MERTK: variants seen among roughly 807,000 people sequenced by gnomAD.
The protein encoded by MERTK is tyrosine-protein kinase Mer.
In MERTK, 69 loss-of-function variants were observed where a neutral mutation model predicts 99.3. The ratio of observed to expected loss-of-function variants is 0.70; its 90% CI spans 0.57 to 0.85. MERTK has a LOEUF of 0.85. MERTK is among the 40% of genes least tolerant of loss of function. The pLI is 0.00. For missense variants in MERTK, 1,125 were observed against 1,249.4 expected, an observed-to-expected ratio of 0.90 and a Z score of 1.50; for synonymous variants, 426 against 467.6, an observed-to-expected ratio of 0.91 and a Z score of 1.15.
chr2:111,902,246 G>A (rs1328707728), intron 1 of MERTK, among the ~76,000 whole-genome samples: 2 of 152,220 alleles, frequency 1.3e-5, no homozygotes, highest in Non-Finnish European at 2.9e-5. Context: ...AGAAGGGCCA[G>A]TGAGTTACTA....
intron 7 of MERTK, 75 bp from the exon 8 acceptor site, chr2:111,982,767 C>T: frequency 6.4e-7 from 1 of 1,551,338 alleles, no homozygotes; most frequent in Non-Finnish European, 8.9e-7. Flanking sequence ...AAACCAAACA[C>T]TTGAAAACCC....
At chr2:111,932,046 T>C (rs1335573800) in intron 2 of MERTK, among the ~76,000 whole-genome samples, 3 of 152,198 alleles carry the variant, frequency 2.0e-5, no homozygotes, top group African/African-American at 4.8e-5. Context: ...TTGAGAACTT[T>C]AGAAATTTGG....
At chr2:112,014,542 C>CA (rs34015537) in intron 15 of MERTK, among the ~76,000 whole-genome samples, 1 of 151,842 alleles carries the variant, frequency 6.6e-6, no homozygotes, top group Non-Finnish European at 1.5e-5. Flanking sequence ...CATTTTGTAG[C>CA]AAAAAAGATT....
At chr2:111,954,731 T>C (rs530279567) in intron 4 of MERTK, among the ~76,000 whole-genome samples, 3 of 152,142 alleles carry the variant, frequency 2.0e-5, no homozygotes, top group Admixed American at 6.5e-5. Flanking sequence ...ATCTTTAATG[T>C]CCATTCTGTA....
intron 15 of MERTK, among the ~76,000 whole-genome samples, chr2:112,014,504 G>A (rs1017112276): frequency 6.6e-6 from 1 of 151,496 alleles, no homozygotes; most frequent in African/African-American, 2.4e-5. Context: ...TTGGGGGTGT[G>A]GAAATTTCAT....
At chr2:111,979,387 C>T (rs1676321127) in intron 7 of MERTK, among the ~76,000 whole-genome samples, 1 of 152,116 alleles carries the variant, frequency 6.6e-6, no homozygotes, top group African/African-American at 2.4e-5. Flanking sequence ...TCTATGTGAA[C>T]TGTTTTTCAG....
intron 14 of MERTK, chr2:112,008,963 G>A (rs1573637663): frequency 4.5e-6 from 1 of 224,404 alleles, no homozygotes; most frequent in Non-Finnish European, 8.9e-6. Context: ...CAGTTCCATA[G>A]AACATGATTT....
intron 9 of MERTK, 200 bp from the exon 10 acceptor site, chr2:111,997,123 G>A: frequency 1.3e-6 from 1 of 750,022 alleles, no homozygotes; most frequent in Non-Finnish European, 2.4e-6. Flanking sequence ...TATGGAATGA[G>A]TAAATCAAGC....
chr2:111,926,694 T>A (rs1169846212), intron 1 of MERTK, among the ~76,000 whole-genome samples: 1 of 152,128 alleles, frequency 6.6e-6, no homozygotes, highest in Non-Finnish European at 1.5e-5. Context: ...GCCACTGCAC[T>A]CCACTCCAGC....
chr2:111,926,583 C>T (rs141107055), intron 1 of MERTK, among the ~76,000 whole-genome samples: 2 of 148,552 alleles, frequency 1.3e-5, no homozygotes, highest in South Asian at 2.1e-4. Flanking sequence ...ACAGATTAGC[C>T]GGGCATGGTG....
At chr2:112,011,022 C>A (rs1333415588) in intron 15 of MERTK, among the ~76,000 whole-genome samples, 1 of 152,126 alleles carries the variant, frequency 6.6e-6, no homozygotes, top group African/African-American at 2.4e-5. Flanking sequence ...CTGTAAGAAA[C>A]CACAGGTCCT....
intron 8 of MERTK, among the ~76,000 whole-genome samples, chr2:111,989,645 A>C (rs2104394510): frequency 6.6e-6 from 1 of 152,044 alleles, no homozygotes; most frequent in East Asian, 1.9e-4. Flanking sequence ...GTAAGCCACC[A>C]CTCCTGGACG....
chr2:111,934,835 G>A (rs1558777569), intron 2 of MERTK, among the ~76,000 whole-genome samples: 1 of 152,282 alleles, frequency 6.6e-6, no homozygotes, highest in Middle Eastern at 3.4e-3. Flanking sequence ...TTCTTCTAGA[G>A]TTTATATGAT....
chr2:112,003,203 T>G lies in MERTK; in HGVS notation c.1786+16T>G. On this transcript the variant is annotated intron_variant, in intron 12 of 18. Coordinates refer to ENST00000295408, the MANE Select transcript of MERTK (RefSeq NM_006343.3). ...CTGGGTGAAGGTAAGCAATTTAAAG[T>G]AATTCTTTTAAAATGTGGGATAAGA... 1 of 1,199,766 alleles carries G rather than the reference T, an allele frequency of 8.3e-7. No individual in the cohort carries two copies. Among genetic ancestry groups the G allele is most frequent in the Non-Finnish European group, 1.2e-6 (1 of 802,928 alleles). The allele number at this position is 1,199,766 out of a possible 1,614,324, so 74.3% of individuals were successfully genotyped here. A position where few individuals can be genotyped will look rare whatever the true frequency, so the allele number is the denominator to read the frequency against.
At position 111,968,987 on chromosome 2, in the gene MERTK, A is replaced by G. The variant is rs186475123; in HGVS notation, c.960+735A>G. ...GGTCGTCTGTGCTACTGAGCGTAGC[A>G]CCTTACCCAGTGTCACCGGGGGATC... On this transcript the variant is annotated intron_variant, in intron 6 of 18. Coordinates refer to ENST00000295408, the MANE Select transcript of MERTK (RefSeq NM_006343.3). 1.4e-3 allele frequency among the ~76,000 whole-genome samples: 212 copies of G among 152,264 alleles called. 1 individual carries two copies. The highest frequency in any genetic ancestry group is 4.5e-3 in the African/African-American group (189 of 41,542).
Position 112,022,354 on chromosome 2 carries a change from G to A in MERTK, c.2446G>A (p.Gly816Ser). 6.2e-7 allele frequency: 1 copy of A among 1,614,226 alleles called. No individual in the cohort carries two copies. Among genetic ancestry groups the A allele is most frequent in the Non-Finnish European group, 8.5e-7 (1 of 1,180,042 alleles). The change falls in exon 18 of 19, where the codon GGC (glycine) becomes AGC (serine). Residue 816 changes from glycine (G) to serine (S), a missense_variant. By Grantham distance (56) the Gly-to-Ser change is moderately conservative. Coordinates refer to ENST00000295408, the MANE Select transcript of MERTK (RefSeq NM_006343.3). ...TGAGATGTATGACTATCTTCTCCAT[G>A]GCCACAGGTTGAAGCAGCCCGAAGA... ...NHEMYDYLLH[G>S]HRLKQPEDCL...
intron 15 of MERTK, among the ~76,000 whole-genome samples, chr2:112,019,038 C>T (rs970951308): frequency 6.6e-6 from 1 of 152,022 alleles, no homozygotes; most frequent in African/African-American, 2.4e-5. Flanking sequence ...ACACACACCT[C>T]GCCGCTGCTG....
At chr2:111,977,414 C>T (rs1196136213) in intron 7 of MERTK, among the ~76,000 whole-genome samples, 1 of 152,114 alleles carries the variant, frequency 6.6e-6, no homozygotes, top group African/African-American at 2.4e-5. Flanking sequence ...TGCATTGTTT[C>T]CCACATGAAA....
intron 1 of MERTK, among the ~76,000 whole-genome samples, chr2:111,923,511 G>A (rs963618788): frequency 2.0e-5 from 3 of 152,202 alleles, no homozygotes; most frequent in Admixed American, 2.0e-4. Flanking sequence ...TGGGACCTGA[G>A]TGGGAGGCTA....
Sources: gnomAD v4.1 joint callset for allele counts (sites outside exome capture counted in the v4.1 genomes callset) on GRCh38, gnomAD v4.1.1 for gene constraint, MANE v1.5 for transcripts, NCBI Gene and HGNC (gene_info 2026-07-23, HGNC 2026-07-21) for gene names.